Variants in SPOCD1 observed in about 807,000 individuals in gnomAD.
SPOCD1 encodes SPOC domain-containing protein 1.
A neutral mutation model predicts 92.2 loss-of-function variants in SPOCD1; 64 were observed. The ratio of observed to expected loss-of-function variants is 0.69; its 90% CI spans 0.57 to 0.86. SPOCD1 has a LOEUF of 0.86. Among genes scored for constraint, SPOCD1 ranks in the 40% least tolerant of loss-of-function variants. The pLI is 0.00. For synonymous variants in SPOCD1, 578 were observed against 619.3 expected (o/e 0.93, Z 0.99); for missense variants, 1,360 against 1,543.1 (o/e 0.88, Z 1.99).
chr1:31,808,446 CAAT>C (rs796646358), intron 2 of SPOCD1, among the ~76,000 whole-genome samples: 37 of 150,054 alleles, frequency 2.5e-4, no homozygotes, highest in Admixed American at 2.7e-4. Flanking sequence ...ATGCACTGTG[CAAT>C]AATAATAATT....
At chr1:31,803,849 G>A (rs1040267921) in intron 2 of SPOCD1, among the ~76,000 whole-genome samples, 1 of 150,940 alleles carries the variant, frequency 6.6e-6, no homozygotes, top group Admixed American at 6.6e-5. Context: ...AAAGAAAGAA[G>A]AAAGAAAGGT....
intron 12 of SPOCD1, 136 bp downstream of exon 12, chr1:31,793,611 G>T (rs1424118756): frequency 1.3e-6 from 2 of 1,526,298 alleles, no homozygotes; most frequent in Non-Finnish European, 1.8e-6. Context: ...CACAGATGGG[G>T]AAAGTGAGGT....
chr1:31,796,478 G>A (rs771693051), intron 10 of SPOCD1, 112 bp downstream of exon 10: 4 of 1,527,368 alleles, frequency 2.6e-6, no homozygotes, highest in Non-Finnish European at 3.6e-6. Context: ...CACAAACAAG[G>A]TGGGCCTCAG....
rs372181378 is a variant in SPOCD1, at chr1:31,805,184, C to A, written c.1384-3479G>T. On this transcript the variant is annotated intron_variant, in intron 2 of 15. Coordinates refer to ENST00000360482, the MANE Select transcript of SPOCD1 (RefSeq NM_144569.7). ...TATTTTTAGTAGAGACAGGGTTTCA[C>A]CGTGTTAGCCAGGATGGTCTCCATC... is the stretch of plus-strand genomic sequence containing the variant. 1.9e-3 allele frequency among the ~76,000 whole-genome samples: 281 copies of A among 151,784 alleles called. 2 individuals carry two copies. Among genetic ancestry groups the A allele is most frequent in the African/African-American group, 6.4e-3 (265 of 41,376 alleles).
intron 12 of SPOCD1, 58 bp from the exon 13 acceptor site, chr1:31,793,486 C>T: frequency 2.6e-6 from 4 of 1,542,928 alleles, no homozygotes; most frequent in Non-Finnish European, 3.5e-6. Context: ...ACTTCCCCGG[C>T]ACCTCCTTTC....
chr1:31,801,675 G>A lies in SPOCD1; in HGVS notation c.1414C>T (p.Leu472Phe). 1 of 1,613,868 alleles carries A rather than the reference G, an allele frequency of 6.2e-7. No individual in the cohort carries two copies. The highest frequency in any genetic ancestry group is 8.5e-7 in the Non-Finnish European group (1 of 1,179,850). The change falls in exon 3 of 16, where the codon CTT becomes TTT. Residue 472 changes from leucine to phenylalanine, a missense_variant. Leu to Phe is a conservative substitution (Grantham distance 22). Around this residue, in one of 3 missense-constraint regions of SPOCD1, gnomAD observed 606 missense variants for 601.5 expected, o/e 1.01. Transcript: ENST00000360482. ...EEVKIPHGVK[L>F]VCYLGSGPVI... ...ATGTAAAAACCTACGTAGCACACAA[G>A]CTTCACTCCATGGGGTATTTTCACT...
At chr1:31,801,814 T>G (rs1181623168) in intron 2 of SPOCD1, 109 bp from the exon 3 acceptor site, 2 of 920,834 alleles carry the variant, frequency 2.2e-6, no homozygotes, top group East Asian at 4.8e-5. Context: ...GTGTTCAGTG[T>G]TCACTGAGTT....
At chr1:31,809,955 C>T (rs1044276703) in intron 2 of SPOCD1, among the ~76,000 whole-genome samples, 1 of 152,196 alleles carries the variant, frequency 6.6e-6, no homozygotes, top group Non-Finnish European at 1.5e-5. Flanking sequence ...ACACTCCAAG[C>T]TGCCTCTTGC....
chr1:31,807,150 G>C (rs1037270184), intron 2 of SPOCD1, among the ~76,000 whole-genome samples: 1 of 150,638 alleles, frequency 6.6e-6, no homozygotes, highest in Non-Finnish European at 1.5e-5. Flanking sequence ...CACTTTGGGA[G>C]GTCAGGCGGG....
intron 3 of SPOCD1, 25 bp downstream of exon 3, chr1:31,801,639 G>C (rs1050160647): frequency 4.3e-6 from 7 of 1,610,742 alleles, no homozygotes; most frequent in Non-Finnish European, 5.9e-6. Context: ...AGAAAGAAAA[G>C]CAATAATAAA....
At position 31,801,717 on chromosome 1, in the gene SPOCD1, AGAG is replaced by A. The variant is rs1268967818; in HGVS notation, c.1384-15_1384-13del. 1 of 1,612,468 alleles carries A rather than the reference AGAG, an allele frequency of 6.2e-7. No individual in the cohort carries two copies. The highest frequency in any genetic ancestry group is 2.2e-5 in the East Asian group (1 of 44,890). On this transcript the variant is annotated splice_polypyrimidine_tract_variant and intron_variant, in intron 2 of 15. Transcript: ENST00000360482. ...ATTTTCACTTCCTCCTTGGAGAGAA[AGAG>A]GATGCAGAGATTAGAATCCAGAGGA...
chr1:31,793,754 G>A lies in SPOCD1; in HGVS notation c.2527C>T (p.Gln843Ter), dbSNP rs1357818500. ...CTGCTCCCAACCCCACACCTGTCCT[G>A]TGGTTCCGTGGGAGACAACTCCCTG... ...KTRELSPTEP[Q>*]DRVPPSGLHV... Residue 843 changes from glutamine (Q) to a stop codon, truncating the protein, a stop_gained, in exon 12 of 16, where the codon CAG (glutamine) becomes TAG (stop). Transcript: ENST00000360482. LOFTEE classifies it high-confidence loss of function. 1.9e-5 allele frequency: 31 copies of A among 1,614,032 alleles called. No individual in the cohort carries two copies. The highest frequency in any genetic ancestry group is 2.6e-5 in the Non-Finnish European group (31 of 1,180,034).
intron 2 of SPOCD1, among the ~76,000 whole-genome samples, chr1:31,810,005 C>T (rs1358751951): frequency 1.3e-5 from 2 of 152,140 alleles, no homozygotes. Context: ...CCTAGCAAGC[C>T]TCTCCTACTT....
chr1:31,798,633 A>G lies in SPOCD1; in HGVS notation c.1869-32T>C. On this transcript the variant is annotated intron_variant, in intron 7 of 15. Transcript: ENST00000360482. The surrounding 1 kb of genome is among the most constrained non-coding windows in gnomAD (Gnocchi z 4.1). Reference sequence around the variant, plus strand: ...AGGCCAGGGCAGGGCGGGGGCACTGAGCCCAGGAGGCTCTCCAGGCACTTA... The same window carrying G: ...AGGCCAGGGCAGGGCGGGGGCACTGGGCCCAGGAGGCTCTCCAGGCACTTA... 4 of 1,602,132 alleles carry G rather than the reference A, an allele frequency of 2.5e-6. No individual in the cohort carries two copies. The highest frequency in any genetic ancestry group is 3.4e-6 in the Non-Finnish European group (4 of 1,175,384).
In SPOCD1 at chr1:31,798,462, G is replaced by A; in HGVS notation, c.2008C>T (p.Leu670=). ...KTKYRSLLFN[L]RDPRNLDLFL... is the part of the protein sequence containing the mutation. Reference sequence around the variant, plus strand: ...CTCACCAGGTTCCTGGGGTCCCGCAGGTTGAACAGCAGGCTGCGATACTTG... The same window carrying A: ...CTCACCAGGTTCCTGGGGTCCCGCAAGTTGAACAGCAGGCTGCGATACTTG... Residue 670 remains leucine (L), a synonymous_variant, in exon 8 of 16, where the codon CTG becomes TTG. Transcript: ENST00000360482. The surrounding 1 kb of genome is among the most constrained non-coding windows in gnomAD (Gnocchi z 4.1). The A allele has an allele frequency of 6.2e-7, 1 of 1,612,266 alleles. No homozygotes were observed. The highest frequency in any genetic ancestry group is 8.5e-7 in the Non-Finnish European group (1 of 1,178,910).
intron 2 of SPOCD1, among the ~76,000 whole-genome samples, chr1:31,804,145 A>G (rs1648658162): frequency 6.6e-6 from 1 of 152,272 alleles, no homozygotes; most frequent in South Asian, 2.1e-4. Flanking sequence ...ACACTTGACT[A>G]GCACTTAAAA....
At chr1:31,793,202 G>A in intron 13 of SPOCD1, 76 bp downstream of exon 13, 2 of 1,469,564 alleles carry the variant, frequency 1.4e-6, no homozygotes, top group Non-Finnish European at 1.8e-6. Context: ...ATGCATGAGT[G>A]AAAGAGAGAG....
rs1368559114 is a variant in SPOCD1, at chr1:31,804,420, T to C, written c.1384-2715A>G. Among the ~76,000 whole-genome samples the C allele has an allele frequency of 2.6e-5, 4 of 152,174 alleles. No individual in the cohort carries two copies. In the East Asian group the frequency reaches 7.7e-4, roughly 29 times the overall value. On this transcript the variant is annotated intron_variant, in intron 2 of 15. Transcript: ENST00000360482. ...CATTCACCAAAATACCTTTCATCTA[T>C]AAAGGAATGGCAATTAGACTAACAG... is the stretch of plus-strand genomic sequence containing the variant.
intron 13 of SPOCD1, 58 bp downstream of exon 13, chr1:31,793,220 G>A (rs1481945845): frequency 6.6e-7 from 1 of 1,511,022 alleles, no homozygotes; most frequent in Non-Finnish European, 8.9e-7. Flanking sequence ...GAGAGAGAGA[G>A]AGGCTGCCTG....
Sources: allele counts gnomAD v4.1 joint callset (sites outside exome capture counted in the v4.1 genomes callset), GRCh38; gene constraint gnomAD v4.1.1; regional missense constraint gnomAD v4.1.1; non-coding constraint Gnocchi (gnomAD v3.1); transcripts MANE v1.5; gene names NCBI Gene and HGNC (gene_info 2026-07-23, HGNC 2026-07-21).